C7orf78: variants seen among roughly 807,000 people sequenced by gnomAD.
C7orf78 encodes putative uncharacterized protein C7orf78.
the C7orf78 span, among the ~76,000 whole-genome samples, chr7:12,505,337 A>G: frequency 6.6e-6 from 1 of 152,264 alleles, no homozygotes; most frequent in African/African-American, 2.4e-5. Context: ...AACTATGCAT[A>G]GAGTTTGTAG....
chr7:12,502,753 A>T, the C7orf78 span, among the ~76,000 whole-genome samples: 1 of 148,894 alleles, frequency 6.7e-6, no homozygotes, highest in South Asian at 2.1e-4. Flanking sequence ...AAAGGACTAT[A>T]AATCATGCTG....
At chr7:12,488,092 G>T in the C7orf78 span, among the ~76,000 whole-genome samples, 2 of 152,048 alleles carry the variant, frequency 1.3e-5, no homozygotes, top group Non-Finnish European at 2.9e-5. Flanking sequence ...AATACATATT[G>T]ATTGGAAGGT....
the C7orf78 span, among the ~76,000 whole-genome samples, chr7:12,514,074 G>T: frequency 6.6e-6 from 1 of 152,138 alleles, no homozygotes; most frequent in East Asian, 1.9e-4. Flanking sequence ...ATGCCTGTTA[G>T]GTTCATTTAA....
the C7orf78 span, chr7:12,525,956 TTAG>T: frequency 2.5e-6 from 1 of 395,178 alleles, no homozygotes; most frequent in Non-Finnish European, 4.5e-6. Flanking sequence ...GCATTCCATA[TTAG>T]TAGTAGTAAA....
chr7:12,534,682 T>A, the C7orf78 span, among the ~76,000 whole-genome samples: 5 of 152,148 alleles, frequency 3.3e-5, no homozygotes, highest in Non-Finnish European at 7.3e-5. Context: ...AGGCTGGGCA[T>A]AATGGTTCAT....
the C7orf78 span, among the ~76,000 whole-genome samples, chr7:12,512,384 GT>G: frequency 6.6e-6 from 1 of 152,096 alleles, no homozygotes; most frequent in Admixed American, 6.5e-5. Flanking sequence ...CTTATTGAGA[GT>G]TTTTATCATA....
the C7orf78 span, chr7:12,490,950 G>A: frequency 6.6e-6 from 1 of 151,814 alleles, no homozygotes; most frequent in Non-Finnish European, 1.5e-5. Flanking sequence ...TAGAGGAAAA[G>A]CTAGTGTAAG....
the C7orf78 span, among the ~76,000 whole-genome samples, chr7:12,521,166 T>C: frequency 6.6e-6 from 1 of 152,134 alleles, no homozygotes; most frequent in Non-Finnish European, 1.5e-5. Context: ...TTTAATCCAT[T>C]CAGTCAATCT....
At chr7:12,532,016 CTTA>C in the C7orf78 span, among the ~76,000 whole-genome samples, 1 of 152,160 alleles carries the variant, frequency 6.6e-6, no homozygotes, top group African/African-American at 2.4e-5. Flanking sequence ...CCACCCTAAT[CTTA>C]TTATGCAAAT....
chr7:12,504,348 T>G, the C7orf78 span: 1 of 152,240 alleles, frequency 6.6e-6, no homozygotes, highest in Non-Finnish European at 1.5e-5. Flanking sequence ...GTTTTACTTT[T>G]CTTTTTCTAC....
chr7:12,498,477 G>A, the C7orf78 span, among the ~76,000 whole-genome samples: 1 of 151,578 alleles, frequency 6.6e-6, no homozygotes. Flanking sequence ...TGGAAGAAAG[G>A]GTATCAGCAA....
At chr7:12,519,015 A>G in the C7orf78 span, among the ~76,000 whole-genome samples, 1 of 152,078 alleles carries the variant, frequency 6.6e-6, no homozygotes, top group African/African-American at 2.4e-5. Flanking sequence ...TGGCACAGGG[A>G]GTCTCCAGTT....
chr7:12,540,879 T>G, the C7orf78 span: 4 of 152,228 alleles, frequency 2.6e-5, no homozygotes, highest in African/African-American at 7.2e-5. Flanking sequence ...AGAAACTGAT[T>G]CAGTGAATTC....
At chr7:12,500,320 G>A in the C7orf78 span, among the ~76,000 whole-genome samples, 1 of 151,180 alleles carries the variant, frequency 6.6e-6, no homozygotes, top group Non-Finnish European at 1.5e-5. Flanking sequence ...CAACAAAATT[G>A]ATAGACCGCT....
At chr7:12,511,109 A>G in the C7orf78 span, among the ~76,000 whole-genome samples, 1 of 151,916 alleles carries the variant, frequency 6.6e-6, no homozygotes, top group Non-Finnish European at 1.5e-5. Flanking sequence ...GCCTGTGGTT[A>G]TCCAGTTTTC....
the C7orf78 span, among the ~76,000 whole-genome samples, chr7:12,516,855 C>T: frequency 3.9e-5 from 6 of 152,154 alleles, no homozygotes; most frequent in Non-Finnish European, 8.8e-5. Flanking sequence ...AATACCTGTA[C>T]CCCCATTGTA....
the C7orf78 span, among the ~76,000 whole-genome samples, chr7:12,513,243 TC>T: frequency 6.6e-6 from 1 of 151,912 alleles, no homozygotes; most frequent in Non-Finnish European, 1.5e-5. Flanking sequence ...TTTCCTTCTT[TC>T]TTTTTTTGTT....
At chr7:12,504,465 T>G in the C7orf78 span, 1 of 152,212 alleles carries the variant, frequency 6.6e-6, no homozygotes, top group African/African-American at 2.4e-5. Context: ...AATGTTAAAC[T>G]GTTAGTCTCT....
the C7orf78 span, among the ~76,000 whole-genome samples, chr7:12,517,391 C>A: frequency 6.6e-6 from 1 of 152,128 alleles, no homozygotes; most frequent in Non-Finnish European, 1.5e-5. Flanking sequence ...TTTTTATCGG[C>A]AGCATGAAAA....
Sources: allele counts gnomAD v4.1 joint callset (sites outside exome capture counted in the v4.1 genomes callset), GRCh38; gene constraint gnomAD v4.1.1; transcripts MANE v1.5; gene names NCBI Gene and HGNC (gene_info 2026-07-23, HGNC 2026-07-21).